Variants in GFRA2 observed in about 807,000 individuals in gnomAD.
GFRA2 encodes GDNF family receptor alpha-2.
Under a neutral mutation model 48.3 loss-of-function variants are expected in GFRA2, and 17 were observed. That is an observed-to-expected ratio of 0.35 (90% confidence interval 0.24 to 0.53). GFRA2 has a LOEUF of 0.53. Ranked by LOEUF, GFRA2 falls within the 20% of genes least tolerant of loss-of-function variation. GFRA2 has a pLI of 0.93. For missense variants in GFRA2, 660 were observed against 637.3 expected (o/e 1.04, Z -0.38); for synonymous variants, 305 against 257.2 (o/e 1.19, Z -1.78).
chr8:21,793,054 G>A (rs762004862), upstream of GFRA2, among the ~76,000 whole-genome samples: 281 of 152,130 alleles, frequency 1.8e-3, no homozygotes, highest in Middle Eastern at 0.01. Flanking sequence ...GCAACAGAGC[G>A]AGACCCTGCC....
intron 4 of GFRA2, among the ~76,000 whole-genome samples, chr8:21,723,478 C>T (rs913960906): frequency 1.3e-5 from 2 of 152,174 alleles, no homozygotes; most frequent in African/African-American, 4.8e-5. Flanking sequence ...TAGATCCCAG[C>T]CACAGGAAAG....
chr8:21,801,850 C>T (rs2117114629), intron 2 of GFRA2, among the ~76,000 whole-genome samples: 1 of 152,348 alleles, frequency 6.6e-6, no homozygotes, highest in East Asian at 1.9e-4. Flanking sequence ...ACGCCCAGTG[C>T]TCCATCCAGC....
intron 4 of GFRA2, among the ~76,000 whole-genome samples, chr8:21,736,067 TTGGGGATCCAAGAGCTCTCTGAGGG>T (rs752306533): frequency 2.4e-4 from 37 of 152,362 alleles, no homozygotes; most frequent in Middle Eastern, 3.4e-3. Context: ...AAGTCCCACG[TTGGGGATCCAAGAGCTCTCTGAGGG>T]TCTTACTGCC....
At position 21,692,680 on chromosome 8, in the gene GFRA2, C is replaced by T. The variant is rs1305596388; in HGVS notation, c.*598G>A. ...GGGGAGCCCAGCACGGTGCGAACCC[C>T]CTCCACCGCCATCCGTGGGGAAGTT... is the stretch of plus-strand genomic sequence containing the variant. On this transcript the variant is annotated 3_prime_UTR_variant, in exon 9 of 9. Transcript: ENST00000524240. 1 of 152,386 alleles carries T rather than the reference C, an allele frequency of 6.6e-6. No individual in the cohort carries two copies. The highest frequency in any genetic ancestry group is 1.9e-4 in the East Asian group (1 of 5,190). The allele number at this position is 152,386 out of a possible 1,614,324, so 9.4% of individuals were successfully genotyped here. A position where few individuals can be genotyped will look rare whatever the true frequency, so the allele number is the denominator to read the frequency against.
intron 4 of GFRA2, among the ~76,000 whole-genome samples, chr8:21,725,704 G>A (rs541622800): frequency 1.2e-4 from 18 of 152,328 alleles, no homozygotes; most frequent in South Asian, 8.3e-4. Flanking sequence ...GAAGGAAGCC[G>A]AGACTTAGAA....
At chr8:21,795,693 T>G (rs1364188657) in intron 2 of GFRA2, among the ~76,000 whole-genome samples, 1 of 152,156 alleles carries the variant, frequency 6.6e-6, no homozygotes, top group Non-Finnish European at 1.5e-5. Context: ...GCACCTGGCC[T>G]CAGGGAACAA....
At chr8:21,717,462 G>A (rs562678161) in intron 4 of GFRA2, among the ~76,000 whole-genome samples, 2 of 152,208 alleles carry the variant, frequency 1.3e-5, no homozygotes, top group Non-Finnish European at 2.9e-5. Context: ...ACAAGATTCA[G>A]AAGTATATTT....
chr8:21,723,680 G>A (rs767524536), intron 4 of GFRA2, among the ~76,000 whole-genome samples: 3 of 152,152 alleles, frequency 2.0e-5, no homozygotes, highest in Non-Finnish European at 1.5e-5. Flanking sequence ...GGTCCACTGG[G>A]AAGACTTTTG....
intron 4 of GFRA2, among the ~76,000 whole-genome samples, chr8:21,741,050 C>T (rs993343141): frequency 6.6e-6 from 1 of 152,226 alleles, no homozygotes; most frequent in African/African-American, 2.4e-5. Flanking sequence ...GTCGTTCTCG[C>T]CTCCTCCCTT....
chr8:21,754,535 T>C (rs1164047646), intron 3 of GFRA2, among the ~76,000 whole-genome samples: 1 of 136,974 alleles, frequency 7.3e-6, no homozygotes, highest in East Asian at 2.2e-4. Flanking sequence ...TGAGTCAGAG[T>C]TTTGCTCTTG....
chr8:21,779,297 C>A (rs1051613990), intron 2 of GFRA2, among the ~76,000 whole-genome samples: 3 of 152,242 alleles, frequency 2.0e-5, no homozygotes, highest in Non-Finnish European at 4.4e-5. Flanking sequence ...TAAACGCACA[C>A]AGCATCGTGC....
intron 1 of GFRA2, among the ~76,000 whole-genome samples, chr8:21,787,354 G>A (rs1410887762): frequency 1.3e-5 from 2 of 151,982 alleles, no homozygotes; most frequent in East Asian, 1.9e-4. Context: ...CTTCAACGGA[G>A]AAAGCAAACT....
intron 4 of GFRA2, among the ~76,000 whole-genome samples, chr8:21,714,977 T>C (rs1055371793): frequency 5.3e-5 from 8 of 152,220 alleles, no homozygotes; most frequent in African/African-American, 1.9e-4. Flanking sequence ...GCCTCTGGAA[T>C]GGCTTTCTAA....
At chr8:21,721,936 A>T (rs1391236135) in intron 4 of GFRA2, among the ~76,000 whole-genome samples, 2 of 152,216 alleles carry the variant, frequency 1.3e-5, no homozygotes, top group African/African-American at 4.8e-5. Flanking sequence ...AAAACTGCGT[A>T]GACAAATATT....
chr8:21,787,711 T>TCAA (rs1186524049), intron 1 of GFRA2, among the ~76,000 whole-genome samples: 2 of 151,956 alleles, frequency 1.3e-5, no homozygotes, highest in African/African-American at 2.4e-5. Flanking sequence ...GCAGGACTGT[T>TCAA]CTCTCCCCGC....
chr8:21,750,261 A>G lies in GFRA2; in HGVS notation c.794+327T>C, dbSNP rs1441493901. ...CCAAAGGTCTCTCATTCCAAGACTC[A>G]AGGAGTCTGTGGTTTTAAATTATAA... On this transcript the variant is annotated intron_variant, in intron 4 of 8. Transcript: ENST00000524240. The surrounding 1 kb of genome is among the most constrained non-coding windows in gnomAD (Gnocchi z 5.7). Among the ~76,000 whole-genome samples the G allele has an allele frequency of 6.6e-6, 1 of 152,146 alleles. No homozygotes were observed. Among genetic ancestry groups the G allele is most frequent in the Non-Finnish European group, 1.5e-5 (1 of 68,026 alleles).
At chr8:21,754,119 C>T (rs1360348038) in intron 3 of GFRA2, among the ~76,000 whole-genome samples, 1 of 152,226 alleles carries the variant, frequency 6.6e-6, no homozygotes, top group Non-Finnish European at 1.5e-5. Context: ...CCTACTCCGA[C>T]CTATTTTTCC....
intron 2 of GFRA2, among the ~76,000 whole-genome samples, chr8:21,778,149 C>T (rs1244640956): frequency 6.6e-6 from 1 of 152,294 alleles, no homozygotes; most frequent in Admixed American, 6.5e-5. Context: ...CATCGCTCCT[C>T]TCAGCGATTC....
intron 4 of GFRA2, among the ~76,000 whole-genome samples, chr8:21,710,011 A>G (rs1409707341): frequency 6.6e-6 from 1 of 152,154 alleles, no homozygotes; most frequent in Non-Finnish European, 1.5e-5. Flanking sequence ...CAGGAAACAG[A>G]AGGTGAAAGC....
Sources: allele counts gnomAD v4.1 joint callset (sites outside exome capture counted in the v4.1 genomes callset), GRCh38; gene constraint gnomAD v4.1.1; non-coding constraint Gnocchi (gnomAD v3.1); transcripts MANE v1.5; gene names NCBI Gene and HGNC (gene_info 2026-07-23, HGNC 2026-07-21).